The following VOPP1 variants were observed in gnomAD, a reference collection of about 807,000 sequenced individuals.
VOPP1 encodes the protein WW domain binding protein VOPP1.
VOPP1 carries 8 observed loss-of-function variants against 23.5 expected under a neutral mutation model. The ratio of observed to expected loss-of-function variants is 0.34; its 90% confidence interval spans 0.20 to 0.61. The LOEUF is 0.61. VOPP1 is among the 20% of genes least tolerant of loss of function. The pLI, the probability that VOPP1 is intolerant of heterozygous loss-of-function variation, is 0.78. For synonymous variants in VOPP1, 83 were observed against 97.3 expected (o/e 0.85, Z 0.86); for missense variants, 174 against 238.1 (o/e 0.73, Z 1.77).
At chr7:55,476,362 CCAGGCAGCCTGTATTCTTAG>C (rs1051024369) in intron 4 of VOPP1, among the ~76,000 whole-genome samples, 1 of 150,708 alleles carries the variant, frequency 6.6e-6, no homozygotes, top group African/African-American at 2.4e-5. Flanking sequence ...AGGGGGATGG[CCAGGCAGCCTGTATTCTTAG>C]CAGGACCTGC....
chr7:55,439,042 G>A lies in VOPP1; in HGVS notation n.418-2868C>T, dbSNP rs549917996. Reference sequence around the variant, plus strand: ...GGGCTGAGATGGAACCCGGTTGTACGCACATTGAGTTCAAGGTGGTTTATT... The same window carrying A: ...GGGCTGAGATGGAACCCGGTTGTACACACATTGAGTTCAAGGTGGTTTATT... On this transcript the variant is annotated intron_variant and non_coding_transcript_variant, in intron 4 of 4. Transcript: ENST00000462326. Among the ~76,000 whole-genome samples, 17 of 152,328 alleles carry A rather than the reference G, an allele frequency of 1.1e-4. No homozygotes were observed. The South Asian group carries it at 2.9e-3, about 26-fold the overall frequency.
At chr7:55,571,076 A>G (rs2129058335) in intron 1 of VOPP1, among the ~76,000 whole-genome samples, 1 of 152,338 alleles carries the variant, frequency 6.6e-6, no homozygotes, top group Middle Eastern at 3.4e-3. Flanking sequence ...ATGGTGAGTC[A>G]CTCAGAGAAT....
intron 1 of VOPP1, chr7:55,537,548 A>G (rs1796872632): frequency 1.3e-6 from 2 of 1,535,990 alleles, no homozygotes; most frequent in East Asian, 4.9e-5. Context: ...GCAAGGATGC[A>G]GGCAGCGCAC....
chr7:55,538,576 G>GGT (rs1180539837), intron 1 of VOPP1: 23 of 1,524,806 alleles, frequency 1.5e-5, no homozygotes, highest in Middle Eastern at 1.7e-4. Flanking sequence ...TGCTTTACAT[G>GGT]GTTTAATAAC....
chr7:55,445,939 C>A (rs942283964), intron 4 of VOPP1, among the ~76,000 whole-genome samples: 2 of 152,108 alleles, frequency 1.3e-5, no homozygotes, highest in African/African-American at 2.4e-5. Context: ...ACATTTCCAT[C>A]CTCATAGAAA....
chr7:55,462,327 T>C (rs932424757), intron 4 of VOPP1, among the ~76,000 whole-genome samples: 29 of 152,196 alleles, frequency 1.9e-4, no homozygotes, highest in African/African-American at 6.8e-4. Flanking sequence ...TAATATACCT[T>C]GGGGAAGACT....
chr7:55,545,473 G>C (rs1465167123), intron 1 of VOPP1, among the ~76,000 whole-genome samples: 1 of 152,224 alleles, frequency 6.6e-6, no homozygotes, highest in Non-Finnish European at 1.5e-5. Flanking sequence ...GGCACTCAGA[G>C]GCGCAGCCAG....
chr7:55,436,651 TGTGTGTGCGTGTGTGCGTGCGTGTGC>T (rs1790834977), intron 4 of VOPP1, among the ~76,000 whole-genome samples: 1 of 150,840 alleles, frequency 6.6e-6, no homozygotes, highest in Non-Finnish European at 1.5e-5. Flanking sequence ...CGTGCGTGGG[TGTGTGTGCGTGTGTGCGTGCGTGTGC>T]GTGTGTGCAT....
chr7:55,560,026 G>A (rs1377506622), intron 1 of VOPP1, among the ~76,000 whole-genome samples: 1 of 152,168 alleles, frequency 6.6e-6, no homozygotes, highest in African/African-American at 2.4e-5. Flanking sequence ...GGTGGCGCAC[G>A]CCTGTAGTCC....
At chr7:55,559,257 C>A (rs1404564) in intron 1 of VOPP1, among the ~76,000 whole-genome samples, 13,902 of 152,216 alleles carry the variant, frequency 0.091, 890 homozygotes, top group East Asian at 0.27. Flanking sequence ...CACTTCCACT[C>A]TTGGCAGCTT....
At chr7:55,464,010 G>A (rs1791572656) in intron 4 of VOPP1, among the ~76,000 whole-genome samples, 1 of 152,194 alleles carries the variant, frequency 6.6e-6, no homozygotes, top group Non-Finnish European at 1.5e-5. Context: ...ATGGCAACTG[G>A]CAGGGATGAC....
At chr7:55,527,178 C>T (rs1477186763) in intron 1 of VOPP1, among the ~76,000 whole-genome samples, 7 of 152,176 alleles carry the variant, frequency 4.6e-5, no homozygotes, top group African/African-American at 7.2e-5. Context: ...ATAGGACCGA[C>T]CATGCTTTAA....
intron 4 of VOPP1, among the ~76,000 whole-genome samples, chr7:55,481,856 T>C (rs1792738055): frequency 6.6e-6 from 1 of 152,218 alleles, no homozygotes; most frequent in Non-Finnish European, 1.5e-5. Flanking sequence ...AGCACGAAGT[T>C]TGAAACAAAG....
chr7:55,529,716 C>T (rs568444213), intron 1 of VOPP1, among the ~76,000 whole-genome samples: 17 of 152,270 alleles, frequency 1.1e-4, no homozygotes, highest in Admixed American at 7.8e-4. Flanking sequence ...AGAGAGTTCC[C>T]TCATGTTGTT....
intron 2 of VOPP1, among the ~76,000 whole-genome samples, chr7:55,514,950 GC>G (rs1174777064): frequency 6.6e-6 from 1 of 152,168 alleles, no homozygotes; most frequent in African/African-American, 2.4e-5. Flanking sequence ...AATGGGTTCT[GC>G]CTCCTGCTGG....
At chr7:55,542,680 T>C (rs1797184294) in intron 1 of VOPP1, among the ~76,000 whole-genome samples, 1 of 151,884 alleles carries the variant, frequency 6.6e-6, no homozygotes, top group African/African-American at 2.4e-5. Context: ...TCCCAGCTAC[T>C]TGGGAAGCTT....
chr7:55,465,430 C>T (rs539002785), intron 4 of VOPP1, among the ~76,000 whole-genome samples: 17 of 152,282 alleles, frequency 1.1e-4, no homozygotes, highest in African/African-American at 4.1e-4. Flanking sequence ...AAACCCTTGG[C>T]TTCCTTTACA....
At chr7:55,532,662 GA>G (rs11287277) in intron 1 of VOPP1, among the ~76,000 whole-genome samples, 45,546 of 150,334 alleles carry the variant, frequency 0.3, 6,996 homozygotes, top group Middle Eastern at 0.37. Context: ...CCCTGGTGTG[GA>G]AAAATACAGC....
chr7:55,490,167 C>T (rs896732738), intron 4 of VOPP1, among the ~76,000 whole-genome samples: 2 of 152,040 alleles, frequency 1.3e-5, no homozygotes, highest in Non-Finnish European at 2.9e-5. Flanking sequence ...AAAAATAGCA[C>T]GGCCGATGTG....
Sources: gnomAD v4.1 joint callset for allele counts (sites outside exome capture counted in the v4.1 genomes callset) on GRCh38, gnomAD v4.1.1 for gene constraint, MANE v1.5 for transcripts, NCBI Gene and HGNC (gene_info 2026-07-23, HGNC 2026-07-21) for gene names.